Variants in INPP5A observed in about 807,000 individuals in gnomAD.
INPP5A encodes the protein 43 kDa inositol polyphosphate 5-phophatase.
A neutral mutation model predicts 65.2 loss-of-function variants in INPP5A; 14 were observed. The observed-to-expected ratio is 0.21, with a 90% CI of 0.14 to 0.34. The LOEUF is 0.34. Among genes scored for constraint, INPP5A ranks in the 10% least tolerant of loss-of-function variants. The pLI is 1.00. For synonymous variants in INPP5A, 207 were observed against 208.3 expected (o/e 0.99, Z 0.05); for missense variants, 431 against 545.6 (o/e 0.79, Z 2.09).
At chr10:132,755,192 CAT>C (rs1385828419) in intron 11 of INPP5A, among the ~76,000 whole-genome samples, 12 of 151,640 alleles carry the variant, frequency 7.9e-5, no homozygotes. Context: ...TGAGAGCAGG[CAT>C]ATGCACATGA....
In INPP5A at chr10:132,644,776, G is replaced by A. The variant is rs1403332951; in HGVS notation, c.118-1092G>A. Among the ~76,000 whole-genome samples, 1 of 152,248 alleles carries A rather than the reference G, an allele frequency of 6.6e-6. No homozygotes were observed. Among genetic ancestry groups the A allele is most frequent in the Non-Finnish European group, 1.5e-5 (1 of 68,046 alleles). ...TGCGCATCCTGTGTTCCAGGGGAGC[G>A]GGGTCAATCAGTGCCTCACCCCTCA... On this transcript the variant is annotated intron_variant, in intron 2 of 15. Transcript: ENST00000368594. This position sits in a 1 kb window ranked among gnomAD's most constrained non-coding sequence, Gnocchi z 6.5.
rs557786238 is a variant in INPP5A, at chr10:132,552,737, G to C, written c.75+14566G>C. On this transcript the variant is annotated intron_variant, in intron 1 of 15. Transcript: ENST00000368594. ...TTGGTGGCATATTGGGTAGGATAGG[G>C]AGGGAGGATTGGTGAACGCCTTCTC... 6.2e-5 allele frequency among the ~76,000 whole-genome samples: 9 copies of C among 144,590 alleles called. No individual in the cohort carries two copies. In the South Asian group the frequency reaches 2.0e-3, roughly 33 times the overall value. The allele number at this position is 144,590 out of a possible 152,430, so 94.9% of individuals were successfully genotyped here. A position where few individuals can be genotyped will look rare whatever the true frequency, so the allele number is the denominator to read the frequency against.
chr10:132,686,002 G>A (rs1026798418), intron 4 of INPP5A, among the ~76,000 whole-genome samples: 1 of 152,222 alleles, frequency 6.6e-6, no homozygotes, highest in Admixed American at 6.5e-5. Context: ...CCCATGGTAC[G>A]CAGGGTTCGT....
chr10:132,735,256 G>A (rs1184567994), intron 9 of INPP5A, among the ~76,000 whole-genome samples: 1 of 152,242 alleles, frequency 6.6e-6, no homozygotes, highest in African/African-American at 2.4e-5. Flanking sequence ...TCCACCCTGG[G>A]TTTGTGGGGA....
At chr10:132,557,038 T>G (rs2071136207) in intron 1 of INPP5A, among the ~76,000 whole-genome samples, 1 of 152,228 alleles carries the variant, frequency 6.6e-6, no homozygotes, top group Non-Finnish European at 1.5e-5. Context: ...TGTACGCACA[T>G]GTTGTGGCCT....
chr10:132,703,842 C>A (rs34991832), intron 6 of INPP5A, among the ~76,000 whole-genome samples: 7,227 of 43,250 alleles, frequency 0.17, 1,250 homozygotes, highest in Non-Finnish European at 0.21. Context: ...TCACCCCCCC[C>A]CACACACACA....
chr10:132,729,918 G>C (rs2767453), intron 9 of INPP5A, among the ~76,000 whole-genome samples: 12,428 of 152,276 alleles, frequency 0.082, 954 homozygotes, highest in African/African-American at 0.2. Context: ...AAGAGCTTCA[G>C]CAACCTCCAG....
At chr10:132,735,092 A>G (rs982719753) in intron 9 of INPP5A, among the ~76,000 whole-genome samples, 16 of 152,276 alleles carry the variant, frequency 1.1e-4, no homozygotes, top group African/African-American at 3.8e-4. Flanking sequence ...CTTTCTGTCA[A>G]ACAGCAGCAT....
chr10:132,780,606 G>T (rs986693235), intron 13 of INPP5A, among the ~76,000 whole-genome samples: 2 of 152,266 alleles, frequency 1.3e-5, no homozygotes, highest in Non-Finnish European at 2.9e-5. Context: ...GATACCTGTT[G>T]TCCAAAAGGG....
chr10:132,731,284 C>T (rs1264392858), intron 9 of INPP5A, among the ~76,000 whole-genome samples: 1 of 151,804 alleles, frequency 6.6e-6, no homozygotes, highest in Non-Finnish European at 1.5e-5. Flanking sequence ...GTCCCTCCTG[C>T]GCATCAGGCG....
intron 4 of INPP5A, among the ~76,000 whole-genome samples, chr10:132,679,819 G>A (rs1233180548): frequency 5.9e-5 from 9 of 152,220 alleles, no homozygotes. Flanking sequence ...GAGGCACCCT[G>A]CCTGGGCAGC....
intron 2 of INPP5A, among the ~76,000 whole-genome samples, chr10:132,641,714 C>T (rs561424897): frequency 2.8e-4 from 43 of 152,368 alleles, no homozygotes; most frequent in Admixed American, 2.3e-3. Flanking sequence ...ATTCAGTGCC[C>T]TGCTCTTTTC....
At chr10:132,687,936 G>A (rs1845167071) in intron 4 of INPP5A, among the ~76,000 whole-genome samples, 1 of 152,228 alleles carries the variant, frequency 6.6e-6, no homozygotes, top group Admixed American at 6.5e-5. Context: ...TGCACTCCTT[G>A]AAGTGTGTTC....
chr10:132,714,233 C>T (rs943803649), intron 8 of INPP5A, among the ~76,000 whole-genome samples: 4 of 152,214 alleles, frequency 2.6e-5, no homozygotes, highest in African/African-American at 9.7e-5. Context: ...CCATGAATGG[C>T]TCCTGCGGCG....
Position 132,707,333 on chromosome 10 carries a change from C to T in INPP5A, c.475-980C>T, listed in dbSNP as rs1026923619. Among the ~76,000 whole-genome samples, 1 of 147,396 alleles carries T rather than the reference C, an allele frequency of 6.8e-6. No individual in the cohort carries two copies. The highest frequency in any genetic ancestry group is 1.5e-5 in the Non-Finnish European group (1 of 66,426). On this transcript the variant is annotated intron_variant, in intron 6 of 15. Coordinates refer to ENST00000368594, the MANE Select transcript of INPP5A (RefSeq NM_005539.5). The surrounding 1 kb of genome is among the most constrained non-coding windows in gnomAD (Gnocchi z 5.5). ...GTGCCCTGCCCTGTTGGCTGCCGTTCCCCCGCCACTGCCTGAAGCGCTTTG... is the reference window on the plus strand; with the variant it reads ...GTGCCCTGCCCTGTTGGCTGCCGTTTCCCCGCCACTGCCTGAAGCGCTTTG...
At chr10:132,584,591 T>G (rs1206481995) in intron 1 of INPP5A, among the ~76,000 whole-genome samples, 1 of 152,240 alleles carries the variant, frequency 6.6e-6, no homozygotes, top group Non-Finnish European at 1.5e-5. Flanking sequence ...TCTTTTAATG[T>G]CTATAGTGAT....
intron 9 of INPP5A, among the ~76,000 whole-genome samples, chr10:132,748,780 G>A (rs117525608): frequency 2.0e-5 from 3 of 152,244 alleles, no homozygotes; most frequent in Admixed American, 1.3e-4. Flanking sequence ...GCCCCTTCCC[G>A]TAGCTGGTCA....
rs1201075714 is a variant in INPP5A at position 132,781,801 on chromosome 10, G to A, written c.1159-60G>A. The A allele has an allele frequency of 8.6e-6, 12 of 1,393,842 alleles. No individual in the cohort carries two copies. In the East Asian group the frequency reaches 9.1e-5, roughly 11 times the overall value. 86.3% of individuals were successfully genotyped at this position (1,393,842 alleles called of 1,614,324 possible). ...GTCTGGGGGTGCAACGGGAGGCGGCGGCATGTGCTGTGCTGTCCCGCGTGC... is the reference window on the plus strand; with the variant it reads ...GTCTGGGGGTGCAACGGGAGGCGGCAGCATGTGCTGTGCTGTCCCGCGTGC... On this transcript the variant is annotated intron_variant, in intron 14 of 15. Transcript: ENST00000368594.
chr10:132,695,729 A>G (rs1304778789), intron 5 of INPP5A, among the ~76,000 whole-genome samples: 5 of 152,250 alleles, frequency 3.3e-5, no homozygotes, highest in Non-Finnish European at 4.4e-5. Flanking sequence ...TTTTAAATTA[A>G]AAACATAATA....
Sources: allele counts gnomAD v4.1 joint callset (sites outside exome capture counted in the v4.1 genomes callset), GRCh38; gene constraint gnomAD v4.1.1; non-coding constraint Gnocchi (gnomAD v3.1); transcripts MANE v1.5; gene names NCBI Gene and HGNC (gene_info 2026-07-23, HGNC 2026-07-21).